ELMO1: variants seen among roughly 807,000 people sequenced by gnomAD.
ELMO1 encodes engulfment and cell motility protein 1.
A neutral mutation model predicts 98.9 loss-of-function variants in ELMO1; 26 were observed. The observed-to-expected ratio is 0.26, with a 90% CI of 0.19 to 0.36. The LOEUF (loss-of-function observed/expected upper bound fraction) is 0.36. Ranked by LOEUF, ELMO1 falls within the 10% of genes least tolerant of loss-of-function variation. The probability of loss-of-function intolerance (pLI) is 1.00; values close to 1 mark genes in which losing one functional copy is unlikely to be tolerated. For missense variants in ELMO1, 627 were observed against 935.2 expected (o/e 0.67, Z 4.30); for synonymous variants, 346 against 346.0 (o/e 1.00, Z 0.00).
intron 16 of ELMO1, among the ~76,000 whole-genome samples, chr7:36,965,302 GA>G (rs534237721): frequency 7.9e-4 from 121 of 152,320 alleles, no homozygotes; most frequent in African/African-American, 2.8e-3. Flanking sequence ...CCAGTGTCTA[GA>G]AGAGGGAGGG....
At chr7:36,965,122 T>C (rs1025392037) in intron 16 of ELMO1, among the ~76,000 whole-genome samples, 1 of 152,106 alleles carries the variant, frequency 6.6e-6, no homozygotes, top group South Asian at 2.1e-4. Context: ...AGCATCCTGG[T>C]TTCTTCCACA....
chr7:37,326,698 CCAGGATAAAGTA>C (rs1257485644), intron 2 of ELMO1, among the ~76,000 whole-genome samples: 1 of 152,044 alleles, frequency 6.6e-6, no homozygotes, highest in Admixed American at 6.5e-5. Context: ...TTAGATTTTA[CCAGGATAAAGTA>C]CAGTCTTTCT....
chr7:37,140,934 G>A (rs762991660), intron 13 of ELMO1, among the ~76,000 whole-genome samples: 30 of 152,204 alleles, frequency 2.0e-4, no homozygotes, highest in Admixed American at 6.5e-4. Context: ...ACTGTTGGTG[G>A]AAGGTAAACT....
intron 14 of ELMO1, among the ~76,000 whole-genome samples, chr7:37,108,978 C>A (rs1376833233): frequency 2.0e-5 from 3 of 152,194 alleles, no homozygotes; most frequent in Admixed American, 6.5e-5. Flanking sequence ...ATTCCCTATT[C>A]TATGTCATTT....
In ELMO1 at chr7:36,853,344, C is replaced by T. The variant is rs530549467; in HGVS notation, c.*2207G>A. On this transcript the variant is annotated 3_prime_UTR_variant, in exon 22 of 22. Transcript: ENST00000310758. ...CCCAACCAAGGTCACAGGACAGATA[C>T]ATTTCTTAAACCCAGTGTCTCAGGA... 2.8e-4 allele frequency among the ~76,000 whole-genome samples: 42 copies of T among 152,326 alleles called. No homozygotes were observed. Among genetic ancestry groups the T allele is most frequent in the African/African-American group, 1.0e-3 (42 of 41,572 alleles).
At chr7:37,003,770 T>C (rs1792851760) in intron 16 of ELMO1, among the ~76,000 whole-genome samples, 1 of 152,352 alleles carries the variant, frequency 6.6e-6, no homozygotes, top group South Asian at 2.1e-4. Context: ...CAGAAAACAT[T>C]TGGAAATCTC....
At chr7:37,247,802 G>A (rs1795091363) in intron 6 of ELMO1, among the ~76,000 whole-genome samples, 2 of 152,168 alleles carry the variant, frequency 1.3e-5, no homozygotes, top group Admixed American at 1.3e-4. Flanking sequence ...GGGACAACAG[G>A]TGAAACTTAA....
intron 16 of ELMO1, among the ~76,000 whole-genome samples, chr7:37,000,938 TACACACAC>T (rs145766627): frequency 6.8e-6 from 1 of 147,408 alleles, no homozygotes; most frequent in South Asian, 2.1e-4. Context: ...TATATGTGTA[TACACACAC>T]ACACACACAC....
At chr7:37,383,885 G>A (rs1278338793) in intron 1 of ELMO1, among the ~76,000 whole-genome samples, 1 of 152,062 alleles carries the variant, frequency 6.6e-6, no homozygotes, top group African/African-American at 2.4e-5. Context: ...GCGCGATCTC[G>A]GCTCACTGCA....
At chr7:37,244,659 C>A (rs1296312449) in intron 6 of ELMO1, among the ~76,000 whole-genome samples, 2 of 152,132 alleles carry the variant, frequency 1.3e-5, no homozygotes, top group African/African-American at 4.8e-5. Flanking sequence ...CAAAACCGTC[C>A]ATTTAGATCA....
At chr7:37,159,985 T>G (rs1789093140) in intron 13 of ELMO1, among the ~76,000 whole-genome samples, 1 of 152,206 alleles carries the variant, frequency 6.6e-6, no homozygotes, top group Non-Finnish European at 1.5e-5. Flanking sequence ...ACAATCCACA[T>G]TTTATTAATT....
chr7:37,149,114 A>G (rs993501819), intron 13 of ELMO1, among the ~76,000 whole-genome samples: 1 of 152,198 alleles, frequency 6.6e-6, no homozygotes, highest in Non-Finnish European at 1.5e-5. Flanking sequence ...GGAGCTGATC[A>G]AGCTGCAGCT....
At chr7:37,270,692 A>T (rs1306856185) in intron 5 of ELMO1, 1 of 152,220 alleles carries the variant, frequency 6.6e-6, no homozygotes, top group Non-Finnish European at 1.5e-5. Context: ...GAAGAGAGAC[A>T]TCATCAGCTA....
rs185000973 is a variant in ELMO1 at position 37,409,560 on chromosome 7, T to C, written c.-74+39115A>G. Among the ~76,000 whole-genome samples, 60 of 152,340 alleles carry C rather than the reference T, an allele frequency of 3.9e-4. 2 individuals carry two copies. The East Asian group carries it at 9.4e-3, about 24-fold the overall frequency. ...TCCACTTGTAAGATGGTCACTCATA[T>C]GGCTGGAAAGTTGAGGCTAATTGTT... On this transcript the variant is annotated intron_variant, in intron 1 of 21. Transcript: ENST00000310758.
chr7:37,245,597 T>C (rs1794966252), intron 6 of ELMO1, among the ~76,000 whole-genome samples: 1 of 152,048 alleles, frequency 6.6e-6, no homozygotes, highest in African/African-American at 2.4e-5. Context: ...TTCCCATCCT[T>C]CCTTCATCAA....
At chr7:37,446,073 G>C (rs1259338232) in intron 1 of ELMO1, among the ~76,000 whole-genome samples, 1 of 152,202 alleles carries the variant, frequency 6.6e-6, no homozygotes, top group Non-Finnish European at 1.5e-5. Context: ...TGGCATGGGG[G>C]AAAGGACAGC....
At chr7:37,273,331 T>G (rs1441481433) in intron 4 of ELMO1, among the ~76,000 whole-genome samples, 1 of 152,166 alleles carries the variant, frequency 6.6e-6, no homozygotes, top group Non-Finnish European at 1.5e-5. Context: ...CCCATGCCAT[T>G]CTCGTGAGAG....
chr7:37,164,229 G>A (rs916964868), intron 13 of ELMO1, among the ~76,000 whole-genome samples: 26 of 152,140 alleles, frequency 1.7e-4, no homozygotes, highest in African/African-American at 6.0e-4. Context: ...TGTAGATTCT[G>A]GATATTAGCC....
At chr7:37,305,129 T>A (rs970712522) in intron 4 of ELMO1, among the ~76,000 whole-genome samples, 2 of 152,180 alleles carry the variant, frequency 1.3e-5, no homozygotes, top group African/African-American at 4.8e-5. Flanking sequence ...CTGCCTGAAA[T>A]AAAGAACTGA....
Sources: allele counts gnomAD v4.1 joint callset (sites outside exome capture counted in the v4.1 genomes callset), GRCh38; gene constraint gnomAD v4.1.1; transcripts MANE v1.5; gene names NCBI Gene and HGNC (gene_info 2026-07-23, HGNC 2026-07-21).